The following WDPCP variants were observed in gnomAD, a reference collection of about 807,000 sequenced individuals.
WDPCP encodes WD repeat-containing and planar cell polarity effector protein fritz homolog.
In WDPCP, 71 loss-of-function variants were observed where a neutral mutation model predicts 93.1. The ratio of observed to expected loss-of-function variants is 0.76; its 90% CI spans 0.63 to 0.93. WDPCP has a LOEUF of 0.93. WDPCP is among the 40% of genes least tolerant of loss of function. WDPCP has a pLI of 0.00. For missense variants in WDPCP, 844 were observed against 887.4 expected (o/e 0.95, Z 0.62); for synonymous variants, 315 against 315.0 (o/e 1.00, Z 0.00).
At chr2:63,758,661 A>G (rs1326551620) in intron 2 of WDPCP, among the ~76,000 whole-genome samples, 2 of 152,182 alleles carry the variant, frequency 1.3e-5, no homozygotes, top group Non-Finnish European at 2.9e-5. Flanking sequence ...GCTAGTCTCA[A>G]ACTCCTGGGC....
chr2:63,154,653 T>C (rs1259694581), intron 15 of WDPCP, among the ~76,000 whole-genome samples: 2 of 152,194 alleles, frequency 1.3e-5, no homozygotes, highest in Non-Finnish European at 2.9e-5. Context: ...CTAGTGTAAA[T>C]ACTTAATGGG....
chr2:63,268,263 A>AT (rs1254661598), intron 13 of WDPCP, among the ~76,000 whole-genome samples: 12 of 152,022 alleles, frequency 7.9e-5, no homozygotes, highest in Non-Finnish European at 1.2e-4. Context: ...TTATATATGG[A>AT]TTTTTTTTAA....
At chr2:63,617,841 A>C (rs1250162855) in intron 3 of WDPCP, among the ~76,000 whole-genome samples, 1 of 152,240 alleles carries the variant, frequency 6.6e-6, no homozygotes, top group Non-Finnish European at 1.5e-5. Flanking sequence ...AGCATGCCAA[A>C]GCAACATATT....
Position 63,767,850 on chromosome 2 carries a change from T to C in WDPCP, n.308+45772A>G, listed in dbSNP as rs190117716. On this transcript the variant is annotated intron_variant and non_coding_transcript_variant, in intron 2 of 4. Transcript: ENST00000467687. ...TGTCTCAATTTTGATAGAGTTTAAT[T>C]TATCAAAATTTTTAAATGGATCATC... Among the ~76,000 whole-genome samples, 4 of 152,192 alleles carry C rather than the reference T, an allele frequency of 2.6e-5. No individual in the cohort carries two copies. In the East Asian group the frequency reaches 7.7e-4, roughly 29 times the overall value.
At chr2:63,507,936 G>A (rs1297968258) in intron 1 of WDPCP, among the ~76,000 whole-genome samples, 3 of 152,194 alleles carry the variant, frequency 2.0e-5, no homozygotes, top group Non-Finnish European at 4.4e-5. Context: ...GGGACTATGT[G>A]AAAAGACCAA....
At chr2:63,818,271 T>A (rs1670968864) in intron 1 of WDPCP, among the ~76,000 whole-genome samples, 1 of 152,220 alleles carries the variant, frequency 6.6e-6, no homozygotes, top group Admixed American at 6.5e-5. Flanking sequence ...AAGCTGATGG[T>A]CTAGGGACTC....
At chr2:63,532,176 G>C (rs1703907249) in intron 1 of WDPCP, among the ~76,000 whole-genome samples, 1 of 152,120 alleles carries the variant, frequency 6.6e-6, no homozygotes, top group Non-Finnish European at 1.5e-5. Flanking sequence ...AGAGTGAAAA[G>C]AAACAAACAA....
intron 3 of WDPCP, among the ~76,000 whole-genome samples, chr2:63,614,650 A>C (rs1443493349): frequency 6.6e-6 from 1 of 152,080 alleles, no homozygotes; most frequent in Admixed American, 6.6e-5. Context: ...CCCCAAGGTG[A>C]CTCATAGCAA....
chr2:63,332,506 A>G (rs1688052660), intron 12 of WDPCP, among the ~76,000 whole-genome samples: 1 of 152,146 alleles, frequency 6.6e-6, no homozygotes, highest in South Asian at 2.1e-4. Flanking sequence ...AACATTGTTC[A>G]TGTGCTACCT....
intron 13 of WDPCP, among the ~76,000 whole-genome samples, chr2:63,264,648 C>T (rs1681951086): frequency 1.3e-5 from 2 of 151,976 alleles, no homozygotes; most frequent in Admixed American, 1.3e-4. Context: ...ACTTCATTAC[C>T]CCCACTTTCA....
At chr2:63,467,180 G>A (rs1479134980) in intron 6 of WDPCP, among the ~76,000 whole-genome samples, 1 of 152,106 alleles carries the variant, frequency 6.6e-6, no homozygotes, top group African/African-American at 2.4e-5. Context: ...TTCTTGGAAA[G>A]GAATAAAAAT....
intron 13 of WDPCP, among the ~76,000 whole-genome samples, chr2:63,267,743 A>C (rs538849923): frequency 0.019 from 2,958 of 152,254 alleles, 105 homozygotes; most frequent in African/African-American, 0.068. Flanking sequence ...TCTAATCACC[A>C]AGGAAACACA....
chr2:63,529,361 T>A (rs901701855), intron 1 of WDPCP, among the ~76,000 whole-genome samples: 2 of 152,222 alleles, frequency 1.3e-5, no homozygotes, highest in Non-Finnish European at 2.9e-5. Context: ...TTGTTGTAAA[T>A]AGCTTTTATT....
chr2:63,421,730 A>G (rs1405990392), intron 9 of WDPCP, among the ~76,000 whole-genome samples: 2 of 152,228 alleles, frequency 1.3e-5, no homozygotes, highest in Non-Finnish European at 2.9e-5. Flanking sequence ...AGTTAAACTA[A>G]AGGGCAAAAC....
At chr2:63,553,691 G>A (rs1035205127) in intron 1 of WDPCP, among the ~76,000 whole-genome samples, 3 of 151,932 alleles carry the variant, frequency 2.0e-5, no homozygotes, top group Admixed American at 6.6e-5. Flanking sequence ...TTGGGTCATA[G>A]GGATATTCAA....
chr2:63,343,346 A>G (rs1414316554), intron 12 of WDPCP, among the ~76,000 whole-genome samples: 4 of 151,938 alleles, frequency 2.6e-5, no homozygotes, highest in African/African-American at 4.8e-5. Flanking sequence ...TCTGGCCTCA[A>G]TGATTACTAA....
intron 10 of WDPCP, among the ~76,000 whole-genome samples, chr2:63,403,370 C>T (rs955925618): frequency 6.6e-6 from 1 of 151,922 alleles, no homozygotes. Flanking sequence ...AGCAAACCCC[C>T]GTGACACGTT....
rs535255549 is a variant in WDPCP, at chr2:63,674,472, C to T, written n.309-23634G>A. 3.6e-4 allele frequency among the ~76,000 whole-genome samples: 55 copies of T among 152,206 alleles called. 1 individual carries two copies. In the South Asian group the frequency reaches 0.011, roughly 30 times the overall value. On this transcript the variant is annotated intron_variant and non_coding_transcript_variant, in intron 2 of 4. Transcript: ENST00000467687. ...CAGCAGGATAAATACTGCATGATTC[C>T]ACTTATATTAGGTATCTAAAATAGT...
chr2:63,216,944 A>G (rs1244051574), intron 14 of WDPCP, among the ~76,000 whole-genome samples: 1 of 152,200 alleles, frequency 6.6e-6, no homozygotes, highest in East Asian at 1.9e-4. Context: ...ATTACTTCCA[A>G]TAATTATTCT....
Sources: gnomAD v4.1 joint callset for allele counts (sites outside exome capture counted in the v4.1 genomes callset) on GRCh38, gnomAD v4.1.1 for gene constraint, MANE v1.5 for transcripts, NCBI Gene and HGNC (gene_info 2026-07-23, HGNC 2026-07-21) for gene names.